The following PRKN variants were observed in gnomAD, a reference collection of about 807,000 sequenced individuals.
PRKN encodes the protein parkin RBR E3 ubiquitin protein ligase.
In PRKN, 56 loss-of-function variants were observed where a neutral mutation model predicts 59.5. The ratio of observed to expected loss-of-function variants is 0.94; its 90% CI spans 0.76 to 1.18. PRKN has a LOEUF of 1.18. Ranked by LOEUF, PRKN falls within the 50% of genes most tolerant of loss-of-function variation. PRKN has a pLI of 0.00. For missense variants in PRKN, 657 were observed against 596.4 expected (o/e 1.10, Z -1.06); for synonymous variants, 250 against 222.1 (o/e 1.13, Z -1.12).
intron 1 of PRKN, among the ~76,000 whole-genome samples, chr6:162,538,203 A>G (rs1413636337): frequency 6.6e-6 from 1 of 152,190 alleles, no homozygotes; most frequent in African/African-American, 2.4e-5. Flanking sequence ...GTTTCAGACC[A>G]GCCTGGCCAA....
intron 9 of PRKN, among the ~76,000 whole-genome samples, chr6:161,426,188 C>T (rs187184398): frequency 6.6e-6 from 1 of 152,240 alleles, no homozygotes. Context: ...TGAGATGTCC[C>T]ACTGCCCCTG....
intron 6 of PRKN, among the ~76,000 whole-genome samples, chr6:161,948,836 C>T (rs1397007429): frequency 6.6e-6 from 1 of 152,226 alleles, no homozygotes; most frequent in Non-Finnish European, 1.5e-5. Context: ...GGCATTTCAA[C>T]ACAGATCCTT....
intron 1 of PRKN, among the ~76,000 whole-genome samples, chr6:162,521,867 A>T (rs1778090317): frequency 6.6e-6 from 1 of 152,190 alleles, no homozygotes; most frequent in South Asian, 2.1e-4. Flanking sequence ...CATAAATATT[A>T]GGGGCAAGTA....
chr6:161,874,143 A>AATATATAAT (rs1794496827), intron 6 of PRKN, among the ~76,000 whole-genome samples: 1 of 47,394 alleles, frequency 2.1e-5, no homozygotes, highest in Non-Finnish European at 3.3e-5. Flanking sequence ...TTATATGTAA[A>AATATATAAT]ATATAATATA....
At position 161,373,086 on chromosome 6, in the gene PRKN, C is replaced by T. The variant is rs370121400; in HGVS notation, c.1168-12881G>A. Reference sequence around the variant, plus strand: ...CTGGCCTCCCAAAGTGTGGGGCTGCCGGTGTGAACCACCACACTCGGTAGG... The same window carrying T: ...CTGGCCTCCCAAAGTGTGGGGCTGCTGGTGTGAACCACCACACTCGGTAGG... On this transcript the variant is annotated intron_variant, in intron 10 of 11. Coordinates refer to ENST00000366898, the MANE Select transcript of PRKN (RefSeq NM_004562.3). The surrounding 1 kb of genome is among the most constrained non-coding windows in gnomAD (Gnocchi z 4.8). Among the ~76,000 whole-genome samples the T allele has an allele frequency of 3.3e-5, 5 of 152,102 alleles. No individual in the cohort carries two copies. The highest frequency in any genetic ancestry group is 4.8e-5 in the African/African-American group (2 of 41,406).
intron 5 of PRKN, among the ~76,000 whole-genome samples, chr6:161,974,629 T>C (rs978143426): frequency 2.0e-5 from 3 of 152,140 alleles, no homozygotes; most frequent in Non-Finnish European, 2.9e-5. Flanking sequence ...TCTGCATGCC[T>C]TCCATGATAC....
Position 161,360,107 on chromosome 6 carries a change from A to G in PRKN, c.1266T>C (p.His422=), listed in dbSNP as rs753313285. 1.2e-5 allele frequency: 19 copies of G among 1,613,402 alleles called. No individual in the cohort carries two copies. The East Asian group carries it at 1.6e-4, about 13-fold the overall frequency. ...KKTTKPCPRC[H]VPVEKNGGCM... Reference sequence around the variant, plus strand: ...ACTCACCATTTTTTTCCACTGGTACATGGCAGCGGGGACAGGGCTTGGTGG... The same window carrying G: ...ACTCACCATTTTTTTCCACTGGTACGTGGCAGCGGGGACAGGGCTTGGTGG... The change falls in exon 11 of 12, where the codon CAT becomes CAC. Residue 422 remains histidine (H), a synonymous_variant. Transcript: ENST00000366898. The surrounding 1 kb of genome is among the most constrained non-coding windows in gnomAD (Gnocchi z 5.1).
intron 6 of PRKN, among the ~76,000 whole-genome samples, chr6:161,898,359 C>A (rs905170315): frequency 6.6e-6 from 1 of 152,150 alleles, no homozygotes; most frequent in South Asian, 2.1e-4. Context: ...TCACGAAGGT[C>A]CCACGAGCAA....
rs539780289 is a variant in PRKN, at chr6:162,726,859, T to C, written c.7+803A>G. ...ACATATGGTGCATTTCCATTAATTT[T>C]CAGGGATAGCCCCTAAAGTAACTTT... is the stretch of plus-strand genomic sequence containing the variant. On this transcript the variant is annotated intron_variant, in intron 1 of 11. Coordinates refer to ENST00000366898, the MANE Select transcript of PRKN (RefSeq NM_004562.3). Among the ~76,000 whole-genome samples, 10 of 152,330 alleles carry C rather than the reference T, an allele frequency of 6.6e-5. No individual in the cohort carries two copies. The East Asian group carries it at 1.9e-3, about 29-fold the overall frequency.
intron 6 of PRKN, among the ~76,000 whole-genome samples, chr6:161,861,947 C>A (rs1237564779): frequency 2.6e-5 from 4 of 152,170 alleles, no homozygotes; most frequent in African/African-American, 9.6e-5. Flanking sequence ...CACGACTGTG[C>A]TTGCTCTGAA....
chr6:161,563,147 C>A (rs146439870), intron 8 of PRKN, among the ~76,000 whole-genome samples: 2 of 152,190 alleles, frequency 1.3e-5, no homozygotes, highest in East Asian at 3.9e-4. Flanking sequence ...GTCCCCTCAA[C>A]GCTTAGTCTC....
chr6:162,009,490 C>G lies in PRKN; in HGVS notation c.619-36073G>C, dbSNP rs977127057. On this transcript the variant is annotated intron_variant, in intron 5 of 11. Coordinates refer to ENST00000366898, the MANE Select transcript of PRKN (RefSeq NM_004562.3). Reference sequence around the variant, plus strand: ...CGTCAGAATCACTATTCTTCAATAACTTATGGCAAAAAAGGAGGTAAAAAG... The same window carrying G: ...CGTCAGAATCACTATTCTTCAATAAGTTATGGCAAAAAAGGAGGTAAAAAG... 2.9e-4 allele frequency among the ~76,000 whole-genome samples: 44 copies of G among 151,790 alleles called. 1 individual carries two copies. The highest frequency in any genetic ancestry group is 2.9e-3 in the Admixed American group (44 of 15,248).
chr6:162,272,092 C>A (rs1006282503), intron 2 of PRKN, among the ~76,000 whole-genome samples: 6 of 152,144 alleles, frequency 3.9e-5, no homozygotes, highest in Admixed American at 1.3e-4. Context: ...GGATCCTACA[C>A]CAGAGGGGCT....
intron 6 of PRKN, among the ~76,000 whole-genome samples, chr6:161,940,748 A>G (rs1414500264): frequency 1.3e-5 from 2 of 152,226 alleles, no homozygotes; most frequent in African/African-American, 2.4e-5. Context: ...CAGAATGTCT[A>G]TGTGGCATGT....
rs375563922 is a variant in PRKN, at chr6:161,390,236, C to T, written c.1084-3359G>A. ...CTCTCAACCTTCAGTTCTCACACTACGCACCAGAGTGCCCTGCGGTACTGT... is the reference window on the plus strand; with the variant it reads ...CTCTCAACCTTCAGTTCTCACACTATGCACCAGAGTGCCCTGCGGTACTGT... On this transcript the variant is annotated intron_variant, in intron 9 of 11. Transcript: ENST00000366898. The surrounding 1 kb of genome is among the most constrained non-coding windows in gnomAD (Gnocchi z 7.0). Among the ~76,000 whole-genome samples the T allele has an allele frequency of 8.5e-5, 13 of 152,322 alleles. No homozygotes were observed. The highest frequency in any genetic ancestry group is 2.4e-4 in the African/African-American group (10 of 41,578).
At chr6:161,524,915 C>T (rs1332172237) in intron 9 of PRKN, among the ~76,000 whole-genome samples, 1 of 152,160 alleles carries the variant, frequency 6.6e-6, no homozygotes, top group Non-Finnish European at 1.5e-5. Flanking sequence ...GGGCTGGCTG[C>T]TGTCCTTGCA....
intron 9 of PRKN, among the ~76,000 whole-genome samples, chr6:161,481,195 C>G (rs1004573754): frequency 6.6e-6 from 1 of 152,176 alleles, no homozygotes; most frequent in African/African-American, 2.4e-5. Flanking sequence ...TTAGAAAGGG[C>G]TCTACCAATT....
intron 7 of PRKN, among the ~76,000 whole-genome samples, chr6:161,635,908 T>C (rs1365051493): frequency 6.6e-6 from 1 of 152,250 alleles, no homozygotes; most frequent in Non-Finnish European, 1.5e-5. Context: ...CATCAAATTT[T>C]TGCAGGAGGG....
rs567355725 is a variant in PRKN at position 161,463,040 on chromosome 6, C to T, written c.1084-76163G>A. ...GGAAAGTCAGAGAGATAAATACTTACATAAATACTAAATAGAGAAAAAACT... is the reference window on the plus strand; with the variant it reads ...GGAAAGTCAGAGAGATAAATACTTATATAAATACTAAATAGAGAAAAAACT... On this transcript the variant is annotated intron_variant, in intron 9 of 11. Coordinates refer to ENST00000366898, the MANE Select transcript of PRKN (RefSeq NM_004562.3). The surrounding 1 kb of genome is among the most constrained non-coding windows in gnomAD (Gnocchi z 4.8). 4.6e-5 allele frequency among the ~76,000 whole-genome samples: 7 copies of T among 152,256 alleles called. No individual in the cohort carries two copies. The highest frequency in any genetic ancestry group is 1.7e-4 in the African/African-American group (7 of 41,532).
Sources: gnomAD v4.1 joint callset for allele counts (sites outside exome capture counted in the v4.1 genomes callset) on GRCh38, gnomAD v4.1.1 for gene constraint, Gnocchi (gnomAD v3.1) non-coding constraint, MANE v1.5 for transcripts, NCBI Gene and HGNC (gene_info 2026-07-23, HGNC 2026-07-21) for gene names.